MSI2: variants seen among roughly 807,000 people sequenced by gnomAD.
The protein encoded by MSI2 is musashi RNA binding protein 2, also known as RNA-binding protein Musashi homolog 2.
MSI2 carries 17 observed loss-of-function variants against 45.6 expected under a neutral mutation model. The ratio of observed to expected loss-of-function variants is 0.37; its 90% confidence interval spans 0.26 to 0.56. The LOEUF is 0.56. Among genes scored for constraint, MSI2 ranks in the 20% least tolerant of loss-of-function variants. The pLI is 0.77. For missense variants in MSI2, 293 were observed against 444.2 expected, an observed-to-expected ratio of 0.66 and a Z score of 3.06; for synonymous variants, 156 against 158.2, an observed-to-expected ratio of 0.99 and a Z score of 0.11.
At chr17:57,635,959 C>T (rs1909803442) in intron 10 of MSI2, among the ~76,000 whole-genome samples, 1 of 152,182 alleles carries the variant, frequency 6.6e-6, no homozygotes, top group Non-Finnish European at 1.5e-5. Context: ...GGTTCTTCGG[C>T]GCCAGGTGAT....
rs1324924274 is a variant in MSI2 at position 57,407,648 on chromosome 17, C to G, written c.405+6177C>G. Among the ~76,000 whole-genome samples, 1 of 152,186 alleles carries G rather than the reference C, an allele frequency of 6.6e-6. No homozygotes were observed. Among genetic ancestry groups the G allele is most frequent in the Non-Finnish European group, 1.5e-5 (1 of 68,028 alleles). On this transcript the variant is annotated intron_variant, in intron 6 of 13. Transcript: ENST00000284073. The surrounding 1 kb of genome is among the most constrained non-coding windows in gnomAD (Gnocchi z 4.1). Reference sequence around the variant, plus strand: ...AGTGGTCAGCCTCCCGGGCCTCACCCTGTCCTCTGCTCCACCTTTTTCTGG... The same window carrying G: ...AGTGGTCAGCCTCCCGGGCCTCACCGTGTCCTCTGCTCCACCTTTTTCTGG...
Position 57,680,382 on chromosome 17 carries a change from T to C in MSI2, c.*865T>C. On this transcript the variant is annotated 3_prime_UTR_variant, in exon 14 of 14. Transcript: ENST00000284073. ...AATTCCATTAACTACATAGAAACTA[T>C]TAAGAAAGAGAGAATCAAAAATATT... 4.4e-6 allele frequency: 1 copy of C among 227,048 alleles called. No homozygotes were observed. Among genetic ancestry groups the C allele is most frequent in the East Asian group, 6.4e-5 (1 of 15,748 alleles). The allele number at this position is 227,048 out of a possible 1,614,324, so 14.1% of individuals were successfully genotyped here. A position where few individuals can be genotyped will look rare whatever the true frequency, so the allele number is the denominator to read the frequency against.
chr17:57,659,726 T>G (rs1462566560), intron 11 of MSI2, among the ~76,000 whole-genome samples: 1 of 151,942 alleles, frequency 6.6e-6, no homozygotes, highest in Non-Finnish European at 1.5e-5. Flanking sequence ...ATAAAGACCA[T>G]GTAGGAAAAA....
At chr17:57,363,468 T>C (rs1213015326) in intron 5 of MSI2, among the ~76,000 whole-genome samples, 1 of 152,212 alleles carries the variant, frequency 6.6e-6, no homozygotes, top group Non-Finnish European at 1.5e-5. Context: ...CTGGGCATGG[T>C]AGCTCACGTC....
rs144292775 is a variant in MSI2, at chr17:57,425,841, A to C, written c.405+24370A>C. Among the ~76,000 whole-genome samples, 349 of 152,346 alleles carry C rather than the reference A, an allele frequency of 2.3e-3. 3 individuals carry two copies. Among genetic ancestry groups the C allele is most frequent in the African/African-American group, 8.2e-3 (341 of 41,582 alleles). On this transcript the variant is annotated intron_variant, in intron 6 of 13. Coordinates refer to ENST00000284073, the MANE Select transcript of MSI2 (RefSeq NM_138962.4). ...TTTATTGCCAAACTGCCCCACAGGG[A>C]GGTTGTACTAATTTACATTTCTACC... is the stretch of plus-strand genomic sequence containing the variant.
intron 6 of MSI2, among the ~76,000 whole-genome samples, chr17:57,404,931 C>T (rs1363432554): frequency 1.3e-5 from 2 of 152,094 alleles, no homozygotes; most frequent in East Asian, 1.9e-4. Context: ...GATCAGGTCA[C>T]GAAGCGTGGC....
chr17:57,286,060 G>C (rs11079286), intron 5 of MSI2: 1,016,222 of 1,265,870 alleles, frequency 0.8, 408,503 homozygotes, highest in East Asian at 0.86. Flanking sequence ...GCCTCTTTCT[G>C]TCTTTCCCTC....
Position 57,392,703 on chromosome 17 carries a change from T to C in MSI2, c.313-8676T>C, listed in dbSNP as rs2083816972. Among the ~76,000 whole-genome samples the C allele has an allele frequency of 2.6e-5, 4 of 152,294 alleles. No individual in the cohort carries two copies. In the South Asian group the frequency reaches 8.3e-4, roughly 32 times the overall value. ...AGCAATCGGCAACGTAAAATATTGT[T>C]ATACCTTTTTCCAGTGGTCACCTGT... is the stretch of plus-strand genomic sequence containing the variant. On this transcript the variant is annotated intron_variant, in intron 5 of 13. Coordinates refer to ENST00000284073, the MANE Select transcript of MSI2 (RefSeq NM_138962.4).
downstream of MSI2, among the ~76,000 whole-genome samples, chr17:57,688,538 A>G (rs12451888): frequency 0.037 from 5,694 of 152,314 alleles, 112 homozygotes; most frequent in Middle Eastern, 0.099. Context: ...CCATTAAAAC[A>G]GGTAACCCCA....
intron 6 of MSI2, among the ~76,000 whole-genome samples, chr17:57,502,602 G>T (rs1293880403): frequency 3.7e-5 from 2 of 54,418 alleles, no homozygotes; most frequent in Non-Finnish European, 7.4e-5. Flanking sequence ...ATGACTCTGA[G>T]ATATATATAT....
At chr17:57,433,888 T>A (rs1397259709) in intron 6 of MSI2, among the ~76,000 whole-genome samples, 2 of 152,234 alleles carry the variant, frequency 1.3e-5, no homozygotes, top group Non-Finnish European at 2.9e-5. Flanking sequence ...ATATTTTAAA[T>A]TTTAATTTAA....
intron 6 of MSI2, among the ~76,000 whole-genome samples, chr17:57,491,556 G>A (rs1013837955): frequency 4.6e-5 from 7 of 152,218 alleles, no homozygotes; most frequent in African/African-American, 1.7e-4. Context: ...AGCTCCTGCA[G>A]CCAGAGGGTC....
At chr17:57,498,237 A>G (rs757081727) in intron 6 of MSI2, among the ~76,000 whole-genome samples, 3 of 152,242 alleles carry the variant, frequency 2.0e-5, no homozygotes, top group Admixed American at 6.5e-5. Flanking sequence ...CAAGGCCTTC[A>G]AAGGGGAAAA....
chr17:57,682,356 C>T lies in MSI2; in HGVS notation c.*2839C>T, dbSNP rs1339409573. ...CCCACTGTGAAGGGGTGCCATACTACCTTAAATGCTAATGCTAGATATGCA... is the reference window on the plus strand; with the variant it reads ...CCCACTGTGAAGGGGTGCCATACTATCTTAAATGCTAATGCTAGATATGCA... On this transcript the variant is annotated 3_prime_UTR_variant, in exon 14 of 14. Transcript: ENST00000284073. The T allele has an allele frequency of 7.4e-6, 1 of 135,282 alleles. No individual in the cohort carries two copies. The highest frequency in any genetic ancestry group is 2.2e-4 in the East Asian group (1 of 4,642). 8.4% of individuals were successfully genotyped at this position (135,282 alleles called of 1,614,324 possible).
chr17:57,434,487 G>A (rs1318593875), intron 6 of MSI2, among the ~76,000 whole-genome samples: 2 of 152,154 alleles, frequency 1.3e-5, no homozygotes. Context: ...TACTACTCCT[G>A]TCTAACTGAA....
chr17:57,658,213 C>T (rs773150088), intron 11 of MSI2, among the ~76,000 whole-genome samples: 5 of 152,190 alleles, frequency 3.3e-5, no homozygotes, highest in Admixed American at 1.3e-4. Context: ...CATGGGGACA[C>T]CCTTGTGCTA....
chr17:57,326,165 T>A lies in MSI2; in HGVS notation c.312+63973T>A, dbSNP rs181834897. Among the ~76,000 whole-genome samples, 11 of 152,310 alleles carry A rather than the reference T, an allele frequency of 7.2e-5. No homozygotes were observed. In the East Asian group the frequency reaches 2.1e-3, roughly 29 times the overall value. ...CTGTATGGTGCAGGTTACAGACCCT[T>A]AGCTACAATTCTCATATCCCCCAAA... On this transcript the variant is annotated intron_variant, in intron 5 of 13. Transcript: ENST00000284073.
chr17:57,540,095 G>A (rs2087010325), intron 7 of MSI2, among the ~76,000 whole-genome samples: 1 of 152,186 alleles, frequency 6.6e-6, no homozygotes, highest in African/African-American at 2.4e-5. Flanking sequence ...ATTGCTGTGT[G>A]ACCCTGGACA....
chr17:57,409,354 A>G (rs1246844417), intron 6 of MSI2, among the ~76,000 whole-genome samples: 4 of 152,236 alleles, frequency 2.6e-5, no homozygotes, highest in Admixed American at 2.0e-4. Flanking sequence ...AATTAGAATA[A>G]TCACAGGCCT....
Sources: allele counts gnomAD v4.1 joint callset (sites outside exome capture counted in the v4.1 genomes callset), GRCh38; gene constraint gnomAD v4.1.1; non-coding constraint Gnocchi (gnomAD v3.1); transcripts MANE v1.5; gene names NCBI Gene and HGNC (gene_info 2026-07-23, HGNC 2026-07-21).